C4orf50: variants seen among roughly 807,000 people sequenced by gnomAD.
C4orf50 encodes chromosome 4 open reading frame 50, also known as uncharacterized protein C4orf50.
A neutral mutation model predicts 77.2 loss-of-function variants in C4orf50; 80 were observed. The observed-to-expected ratio is 1.04, with a 90% CI of 0.87 to 1.25. C4orf50 has a LOEUF of 1.25. Ranked by LOEUF, C4orf50 falls within the 50% of genes most tolerant of loss-of-function variation. The pLI is 0.00. For synonymous variants in C4orf50, 532 were observed against 465.3 expected, an observed-to-expected ratio of 1.14 and a Z score of -1.84; for missense variants, 1,257 against 1,152.9, an observed-to-expected ratio of 1.09 and a Z score of -1.31.
intron 7 of C4orf50, among the ~76,000 whole-genome samples, chr4:5,938,827 G>T (rs551708159): frequency 6.9e-4 from 104 of 150,782 alleles, no homozygotes; most frequent in African/African-American, 2.5e-3. Context: ...GACAAATGAT[G>T]TGTCTTTTCC....
chr4:5,969,223 G>A (rs1719761408), intron 31 of C4orf50, among the ~76,000 whole-genome samples: 1 of 151,954 alleles, frequency 6.6e-6, no homozygotes, highest in Non-Finnish European at 1.5e-5. Flanking sequence ...AACTTTTAGG[G>A]GAATATTCTA....
At chr4:5,943,465 G>A (rs945478833) in intron 7 of C4orf50, among the ~76,000 whole-genome samples, 3 of 152,208 alleles carry the variant, frequency 2.0e-5, no homozygotes, top group Non-Finnish European at 4.4e-5. Flanking sequence ...ATTCCAGGGA[G>A]CTGGGGGATC....
In C4orf50 at chr4:5,900,272, C is replaced by G. The variant is rs959069820; in HGVS notation, c.*2475-2084G>C. 1 of 152,090 alleles carries G rather than the reference C, an allele frequency of 6.6e-6. No individual in the cohort carries two copies. Among genetic ancestry groups the G allele is most frequent in the African/African-American group, 2.4e-5 (1 of 41,416 alleles). 9.4% of individuals were successfully genotyped at this position (152,090 alleles called of 1,614,324 possible). On this transcript the variant is annotated intron_variant, in intron 7 of 7. Coordinates refer to the C4orf50 transcript ENST00000324058. The surrounding 1 kb of genome is among the most constrained non-coding windows in gnomAD (Gnocchi z 4.3). ...AGGACCCCAGCTGTAAAAGGACTTG[C>G]GTTCCCTGTTCTCTCCAATGATGGG...
Position 6,009,495 on chromosome 4 carries a change from G to A in C4orf50, c.427-963C>T, listed in dbSNP as rs928014506. ...GAACGTGGGGCAGATAAAAGTCAGG[G>A]TCAGATTCCCTGGGAGGACAATTCT... On this transcript the variant is annotated intron_variant, in intron 24 of 33. Transcript: ENST00000531445. This position sits in a 1 kb window ranked among gnomAD's most constrained non-coding sequence, Gnocchi z 5.6. 7.2e-5 allele frequency among the ~76,000 whole-genome samples: 11 copies of A among 152,194 alleles called. No homozygotes were observed. In the East Asian group the frequency reaches 2.1e-3, roughly 29 times the overall value.
At chr4:5,949,566 T>C (rs1446600049) in intron 7 of C4orf50, among the ~76,000 whole-genome samples, 1 of 152,226 alleles carries the variant, frequency 6.6e-6, no homozygotes, top group African/African-American at 2.4e-5. Flanking sequence ...AGTTACTGTT[T>C]AATGGGAACA....
At chr4:6,003,886 T>TGGTGATGATGGTGATG (rs1721995919) in intron 25 of C4orf50, among the ~76,000 whole-genome samples, 1 of 5,156 alleles carries the variant, frequency 1.9e-4, no homozygotes, top group East Asian at 0.01. Flanking sequence ...TGATGGTGAT[T>TGGTGATGATGGTGATG]ATGGTGATGA....
intron 32 of C4orf50, 74 bp from the exon 11 acceptor site, chr4:5,965,219 T>C (rs139215289): frequency 1.4e-6 from 2 of 1,444,684 alleles, no homozygotes; most frequent in Non-Finnish European, 1.9e-6. Flanking sequence ...CTGAGCCTTG[T>C]CATAACCTTC....
intron 28 of C4orf50, among the ~76,000 whole-genome samples, chr4:5,984,345 A>G (rs924884924): frequency 4.6e-5 from 7 of 152,258 alleles, no homozygotes; most frequent in African/African-American, 1.2e-4. Flanking sequence ...ATTAAACAAA[A>G]TAGTCAATAG....
rs915472796 is a variant in C4orf50, at chr4:6,003,000, C to A, written c.963+4996G>T. Among the ~76,000 whole-genome samples the A allele has an allele frequency of 8.5e-5, 13 of 152,212 alleles. No homozygotes were observed. The East Asian group carries it at 2.3e-3, about 27-fold the overall frequency. On this transcript the variant is annotated intron_variant, in intron 25 of 33. Transcript: ENST00000531445. ...GAAAGCCAGCCCCTTCCCCTCACCT[C>A]CTCTCACATCCCAGGTCTTCTGCCA...
In C4orf50 at chr4:5,919,129, G is replaced by C. The variant is rs1184757223; in HGVS notation, c.*2475-20941C>G. Among the ~76,000 whole-genome samples the C allele has an allele frequency of 6.6e-6, 1 of 152,224 alleles. No individual in the cohort carries two copies. The highest frequency in any genetic ancestry group is 6.5e-5 in the Admixed American group (1 of 15,284). ...GGTGGGACATTGCTAGTGAGCGGTA[G>C]CGGGGAATGCTGGGGTGTGGGGGCA... On this transcript the variant is annotated intron_variant, in intron 7 of 7. Transcript: ENST00000324058. This position sits in a 1 kb window ranked among gnomAD's most constrained non-coding sequence, Gnocchi z 6.5.
At chr4:5,987,303 T>C (rs111802611) in intron 28 of C4orf50, among the ~76,000 whole-genome samples, 14,908 of 147,316 alleles carry the variant, frequency 0.1, 928 homozygotes, top group Non-Finnish European at 0.14. Flanking sequence ...CCCAGCTACT[T>C]GGGAGGCTGA....
At chr4:5,977,200 G>A (rs1720339081) in intron 29 of C4orf50, among the ~76,000 whole-genome samples, 1 of 152,170 alleles carries the variant, frequency 6.6e-6, no homozygotes, top group Non-Finnish European at 1.5e-5. Context: ...TCCCCTGGAG[G>A]GCGGAACAGC....
intron 7 of C4orf50, among the ~76,000 whole-genome samples, chr4:5,939,067 C>T (rs1404974146): frequency 6.6e-6 from 1 of 152,104 alleles, no homozygotes; most frequent in African/African-American, 2.4e-5. Flanking sequence ...CATGGTGAAA[C>T]CCCATCTCTA....
chr4:5,995,260 C>T (rs1474667528), intron 25 of C4orf50, among the ~76,000 whole-genome samples: 1 of 152,116 alleles, frequency 6.6e-6, no homozygotes, highest in Non-Finnish European at 1.5e-5. Flanking sequence ...CCATGTCCCA[C>T]CCAGGGAGGA....
Position 5,992,565 on chromosome 4 carries a change from C to T in C4orf50, c.1221+238G>A, listed in dbSNP as rs899102205. On this transcript the variant is annotated intron_variant, in intron 27 of 33. Coordinates refer to ENST00000531445, the Ensembl canonical transcript of C4orf50. The surrounding 1 kb of genome is among the most constrained non-coding windows in gnomAD (Gnocchi z 5.0). ...GGTGTCAACGAGATGAAGCCTGTTC[C>T]GTGGAAGCCCAGGCCTGGCACCCAG... 9.9e-5 allele frequency among the ~76,000 whole-genome samples: 15 copies of T among 152,216 alleles called. No individual in the cohort carries two copies. Among genetic ancestry groups the T allele is most frequent in the Admixed American group, 3.9e-4 (6 of 15,292 alleles).
At chr4:5,933,479 T>G (rs80224302) in intron 7 of C4orf50, among the ~76,000 whole-genome samples, 4,283 of 152,284 alleles carry the variant, frequency 0.028, 97 homozygotes, top group African/African-American at 0.052. Flanking sequence ...CCCCTGACTC[T>G]GGGCTTTCCC....
chr4:5,900,218 C>T lies in C4orf50; in HGVS notation c.*2475-2030G>A, dbSNP rs565462149. The T allele has an allele frequency of 2.6e-5, 4 of 152,252 alleles. No individual in the cohort carries two copies. In the South Asian group the frequency reaches 8.3e-4, roughly 32 times the overall value. 9.4% of individuals were successfully genotyped at this position (152,252 alleles called of 1,614,324 possible). A position where few individuals can be genotyped will look rare whatever the true frequency, so the allele number is the denominator to read the frequency against. The stretch of plus-strand genomic sequence containing the variant: ...CCTCTCAAGTTTATAAAAGTTTACT[C>T]AATAAATTGCTGAGTAAAACAAATA... On this transcript the variant is annotated intron_variant, in intron 7 of 7. Coordinates refer to the C4orf50 transcript ENST00000324058. The surrounding 1 kb of genome is among the most constrained non-coding windows in gnomAD (Gnocchi z 4.3).
At chr4:5,902,663 G>C (rs993293684) in intron 7 of C4orf50, 3 of 152,108 alleles carry the variant, frequency 2.0e-5, no homozygotes, top group Admixed American at 2.0e-4. Context: ...TTGCAAATGA[G>C]AAAACAGATC....
In C4orf50 at chr4:6,009,493, G is replaced by A. The variant is rs1307704380; in HGVS notation, c.427-961C>T. Among the ~76,000 whole-genome samples, 1 of 152,190 alleles carries A rather than the reference G, an allele frequency of 6.6e-6. No homozygotes were observed. Among genetic ancestry groups the A allele is most frequent in the Non-Finnish European group, 1.5e-5 (1 of 68,032 alleles). The stretch of plus-strand genomic sequence containing the variant: ...GGGAACGTGGGGCAGATAAAAGTCA[G>A]GGTCAGATTCCCTGGGAGGACAATT... On this transcript the variant is annotated intron_variant, in intron 24 of 33. Coordinates refer to ENST00000531445, the Ensembl canonical transcript of C4orf50. This position sits in a 1 kb window ranked among gnomAD's most constrained non-coding sequence, Gnocchi z 5.6.
Sources: gnomAD v4.1 joint callset for allele counts (sites outside exome capture counted in the v4.1 genomes callset) on GRCh38, gnomAD v4.1.1 for gene constraint, Gnocchi (gnomAD v3.1) non-coding constraint, MANE v1.5 for transcripts, NCBI Gene and HGNC (gene_info 2026-07-23, HGNC 2026-07-21) for gene names.